LRP1B: variants seen among roughly 807,000 people sequenced by gnomAD.
LRP1B encodes the protein low-density lipoprotein receptor-related protein 1B.
Under a neutral mutation model 556.6 loss-of-function variants are expected in LRP1B, and 217 were observed. The observed-to-expected ratio is 0.39, with a 90% CI of 0.35 to 0.44. The LOEUF (loss-of-function observed/expected upper bound fraction) is 0.44. Ranked by LOEUF, LRP1B falls within the 20% of genes least tolerant of loss-of-function variation. The pLI is 1.00. For missense variants in LRP1B, 5,053 were observed against 5,620.8 expected (o/e 0.90, Z 3.23); for synonymous variants, 2,047 against 1,865.8 (o/e 1.10, Z -2.50).
intron 35 of LRP1B, among the ~76,000 whole-genome samples, chr2:140,737,354 A>C (rs2105513684): frequency 6.6e-6 from 1 of 152,244 alleles, no homozygotes; most frequent in Non-Finnish European, 1.5e-5. Flanking sequence ...GTCTGAATAA[A>C]CTCTGATGAC....
At chr2:141,637,021 G>A (rs926827335) in intron 2 of LRP1B, among the ~76,000 whole-genome samples, 1 of 152,090 alleles carries the variant, frequency 6.6e-6, no homozygotes, top group African/African-American at 2.4e-5. Flanking sequence ...GTTTTGTTTT[G>A]TATAATTCTG....
chr2:140,534,670 CT>C (rs1690868938), intron 46 of LRP1B, among the ~76,000 whole-genome samples: 1 of 152,016 alleles, frequency 6.6e-6, no homozygotes, highest in African/African-American at 2.4e-5. Context: ...AAAGAATTAC[CT>C]TCTGAGTTCT....
Position 140,840,905 on chromosome 2 carries a change from A to T in LRP1B, c.5114+13T>A, listed in dbSNP as rs891766661. 9.7e-6 allele frequency: 12 copies of T among 1,236,168 alleles called. No individual in the cohort carries two copies. The highest frequency in any genetic ancestry group is 4.2e-5 in the South Asian group (3 of 70,646). 76.6% of individuals were successfully genotyped at this position (1,236,168 alleles called of 1,614,324 possible). A position where few individuals can be genotyped will look rare whatever the true frequency, so the allele number is the denominator to read the frequency against. On this transcript the variant is annotated intron_variant, in intron 30 of 90. Transcript: ENST00000389484. ...AATTTTGGAAAAACTTTAAAAAAAA[A>T]ATCATACTTTACCCCCTGACTGGGT...
At chr2:141,704,593 G>A (rs555248087) in intron 2 of LRP1B, among the ~76,000 whole-genome samples, 2 of 151,898 alleles carry the variant, frequency 1.3e-5, no homozygotes, top group African/African-American at 4.8e-5. Flanking sequence ...CCTAGGTGTT[G>A]TGTAACATGC....
chr2:140,458,095 A>G (rs1687177291), intron 60 of LRP1B, among the ~76,000 whole-genome samples: 1 of 152,048 alleles, frequency 6.6e-6, no homozygotes, highest in African/African-American at 2.4e-5. Context: ...CTTTTTTCAC[A>G]TGTAAAATGA....
intron 1 of LRP1B, among the ~76,000 whole-genome samples, chr2:141,999,127 C>CTTA (rs929193793): frequency 1.9e-4 from 29 of 152,106 alleles, no homozygotes; most frequent in African/African-American, 6.5e-4. Flanking sequence ...AATTCGATGT[C>CTTA]TTATTGCAAC....
chr2:140,938,204 C>A (rs1052743662), intron 20 of LRP1B, among the ~76,000 whole-genome samples: 3 of 148,004 alleles, frequency 2.0e-5, no homozygotes, highest in African/African-American at 7.7e-5. Flanking sequence ...TTCCAGCTTC[C>A]TATTTTTTTT....
intron 1 of LRP1B, among the ~76,000 whole-genome samples, chr2:142,096,109 T>G (rs965000103): frequency 1.3e-5 from 2 of 151,770 alleles, no homozygotes; most frequent in Non-Finnish European, 3.0e-5. Flanking sequence ...ACTGACATCC[T>G]CTTTTGCAGA....
chr2:141,509,423 T>C (rs192661979), intron 2 of LRP1B, among the ~76,000 whole-genome samples: 1 of 152,274 alleles, frequency 6.6e-6, no homozygotes, highest in East Asian at 1.9e-4. Flanking sequence ...AATAGGGTGG[T>C]TGTCTGCCAC....
intron 2 of LRP1B, among the ~76,000 whole-genome samples, chr2:141,604,896 T>C (rs1460260159): frequency 2.0e-5 from 3 of 151,998 alleles, no homozygotes; most frequent in African/African-American, 4.8e-5. Flanking sequence ...AGACAAGAAC[T>C]TGGGAACCCT....
At position 142,115,857 on chromosome 2, in the gene LRP1B, T is replaced by TATATATCATATATATGTAATATATATATG; in HGVS notation, c.82+14790_82+14791insCATATATATATTACATATATATGATATAT. 4.7e-3 allele frequency among the ~76,000 whole-genome samples: 54 copies of TATATATCATATATATGTAATATATATATG among 11,518 alleles called. 22 individuals are homozygous for TATATATCATATATATGTAATATATATATG. Among genetic ancestry groups the TATATATCATATATATGTAATATATATATG allele is most frequent in the African/African-American group, 0.013 (54 of 4,234 alleles). 7.6% of individuals were successfully genotyped at this position (11,518 alleles called of 152,430 possible). ...TATATATGTAATATATATATATACA[T>TATATATCATATATATGTAATATATATATG]ATATATATATATGGGGGAAGTGACA... On this transcript the variant is annotated intron_variant, in intron 1 of 90. Transcript: ENST00000389484.
chr2:142,092,604 G>A (rs547529339), intron 1 of LRP1B, among the ~76,000 whole-genome samples: 1 of 151,900 alleles, frequency 6.6e-6, no homozygotes, highest in Admixed American at 6.6e-5. Flanking sequence ...ATCCATTTGA[G>A]AGTTGGGGTA....
chr2:140,872,180 C>A (rs191055014), intron 25 of LRP1B, among the ~76,000 whole-genome samples: 1 of 150,474 alleles, frequency 6.6e-6, no homozygotes, highest in East Asian at 2.0e-4. Flanking sequence ...TCTTTCACCC[C>A]CTGCTGCATG....
chr2:140,280,496 A>C (rs2104964324), intron 84 of LRP1B, among the ~76,000 whole-genome samples: 1 of 151,842 alleles, frequency 6.6e-6, no homozygotes, highest in Non-Finnish European at 1.5e-5. Context: ...CTATAAATAT[A>C]AAATGGAAAG....
At chr2:140,490,659 T>G (rs1688659827) in intron 57 of LRP1B, among the ~76,000 whole-genome samples, 1 of 152,134 alleles carries the variant, frequency 6.6e-6, no homozygotes, top group South Asian at 2.1e-4. Flanking sequence ...TTCTACTGCC[T>G]AGAACTCCTT....
At chr2:141,383,133 T>C (rs1462299169) in intron 3 of LRP1B, among the ~76,000 whole-genome samples, 2 of 152,168 alleles carry the variant, frequency 1.3e-5, no homozygotes, top group African/African-American at 4.8e-5. Flanking sequence ...ACAACATCAT[T>C]TGCCATCAGA....
At chr2:140,783,928 T>C (rs1393923879) in intron 32 of LRP1B, among the ~76,000 whole-genome samples, 1 of 152,202 alleles carries the variant, frequency 6.6e-6, no homozygotes, top group Non-Finnish European at 1.5e-5. Flanking sequence ...GAGAACTACT[T>C]AAACAGTAGA....
intron 3 of LRP1B, among the ~76,000 whole-genome samples, chr2:141,339,302 A>C (rs1275342431): frequency 1.5e-5 from 1 of 67,180 alleles, no homozygotes; most frequent in Non-Finnish European, 3.5e-5. Context: ...GGGTAACGCA[A>C]AAAAAAAAAA....
intron 63 of LRP1B, among the ~76,000 whole-genome samples, chr2:140,449,505 G>T (rs959666641): frequency 6.6e-6 from 1 of 151,974 alleles, no homozygotes; most frequent in Non-Finnish European, 1.5e-5. Context: ...AAATCAAAGA[G>T]CAGTGGATCT....
Sources: gnomAD v4.1 joint callset for allele counts (sites outside exome capture counted in the v4.1 genomes callset) on GRCh38, gnomAD v4.1.1 for gene constraint, MANE v1.5 for transcripts, NCBI Gene and HGNC (gene_info 2026-07-23, HGNC 2026-07-21) for gene names.